Variants in B9D2 observed in about 807,000 individuals in gnomAD.
The protein encoded by B9D2 is B9 domain containing 2.
In B9D2, 21 loss-of-function variants were observed where a neutral mutation model predicts 19.2. The ratio of observed to expected loss-of-function variants is 1.09; its 90% CI spans 0.78 to 1.58. The LOEUF (loss-of-function observed/expected upper bound fraction) is 1.58, where lower values mean the gene tolerates loss of function less well. Among genes scored for constraint, B9D2 ranks in the 40% most tolerant of loss-of-function variants. The pLI, the probability that B9D2 is intolerant of heterozygous loss-of-function variation, is 0.00. For missense variants in B9D2, 221 were observed against 244.3 expected (o/e 0.90, Z 0.64); for synonymous variants, 91 against 100.6 (o/e 0.90, Z 0.57).
chr19:41,355,542 T>C (rs549613052), intron 3 of B9D2, among the ~76,000 whole-genome samples: 20 of 152,310 alleles, frequency 1.3e-4, no homozygotes, highest in African/African-American at 4.6e-4. Flanking sequence ...TCCATAGCTT[T>C]GCCCATGTCC....
At position 41,354,550 on chromosome 19, in the gene B9D2, G is replaced by A. The variant is rs1307521224; in HGVS notation, c.*150C>T. 15 of 1,030,194 alleles carry A rather than the reference G, an allele frequency of 1.5e-5. No homozygotes were observed. In the Admixed American group the frequency reaches 1.8e-4, roughly 13 times the overall value. The allele number at this position is 1,030,194 out of a possible 1,614,324, so 63.8% of individuals were successfully genotyped here. On this transcript the variant is annotated 3_prime_UTR_variant, in exon 4 of 4. Coordinates refer to ENST00000243578, the MANE Select transcript of B9D2 (RefSeq NM_030578.4). ...GGGAAACTGGGCCCAGAGGGACCCC[G>A]AGGTCCTAGAAAGGACAGAAGCGGT...
At chr19:41,362,101 GGGCCA>G (rs901515990) in intron 2 of B9D2, among the ~76,000 whole-genome samples, 1 of 130,296 alleles carries the variant, frequency 7.7e-6, no homozygotes, top group Non-Finnish European at 1.6e-5. Context: ...AAAAAAAAAA[GGGCCA>G]GGCGCAGTGG....
At chr19:41,356,851 C>CAAAAAAA (rs59084197) in intron 3 of B9D2, among the ~76,000 whole-genome samples, 3 of 147,786 alleles carry the variant, frequency 2.0e-5, no homozygotes, top group African/African-American at 7.5e-5. Context: ...ACTCTGTCTC[C>CAAAAAAA]AAAAAAAAAA....
At chr19:41,362,577 A>G (rs1228793833) in intron 2 of B9D2, among the ~76,000 whole-genome samples, 1 of 152,118 alleles carries the variant, frequency 6.6e-6, no homozygotes, top group Admixed American at 6.6e-5. Context: ...TCCTATTCTA[A>G]GTGCTGTTGA....
chr19:41,359,060 G>A (rs1599907048), intron 2 of B9D2, among the ~76,000 whole-genome samples: 2 of 151,960 alleles, frequency 1.3e-5, no homozygotes, highest in East Asian at 1.9e-4. Flanking sequence ...CACGAGAATC[G>A]CTGGAAAAGC....
At chr19:41,357,867 C>T in intron 3 of B9D2, 30 bp downstream of exon 3, 2 of 1,613,446 alleles carry the variant, frequency 1.2e-6, no homozygotes, top group Non-Finnish European at 1.7e-6. Context: ...CTCCCCTCAG[C>T]CTGGACCCGG....
intron 1 of B9D2, 47 bp from the exon 2 acceptor site, chr19:41,363,570 A>T: frequency 6.6e-7 from 1 of 1,504,840 alleles, no homozygotes; most frequent in Non-Finnish European, 9.0e-7. Context: ...TAAGTGTATT[A>T]TCTCCATTTG....
In B9D2 at chr19:41,354,655, G is replaced by A. The variant is rs2038275381; in HGVS notation, c.*45C>T. On this transcript the variant is annotated 3_prime_UTR_variant, in exon 4 of 4. Transcript: ENST00000243578. ...CACTGTGCCATCCTCCCCCATCACT[G>A]GGTGTCCGGGGTGTGGATGGTGGTG... is the stretch of plus-strand genomic sequence containing the variant. 1 of 1,606,262 alleles carries A rather than the reference G, an allele frequency of 6.2e-7. No homozygotes were observed. Among genetic ancestry groups the A allele is most frequent in the Non-Finnish European group, 8.5e-7 (1 of 1,173,444 alleles).
At chr19:41,363,097 T>A (rs1026951821) in intron 2 of B9D2, 2 of 307,064 alleles carry the variant, frequency 6.5e-6, no homozygotes, top group South Asian at 3.5e-5. Flanking sequence ...ATAAAAAAAA[T>A]TAGCCAGATT....
chr19:41,359,089 C>T (rs1156660416), intron 2 of B9D2, among the ~76,000 whole-genome samples: 1 of 152,004 alleles, frequency 6.6e-6, no homozygotes, highest in Non-Finnish European at 1.5e-5. Flanking sequence ...GCCGAGATTG[C>T]ACCACTGCAC....
At chr19:41,356,439 G>T (rs2038314323) in intron 3 of B9D2, among the ~76,000 whole-genome samples, 1 of 152,164 alleles carries the variant, frequency 6.6e-6, no homozygotes, top group African/African-American at 2.4e-5. Context: ...ACCACTGGGG[G>T]ACTGGAGGCC....
At chr19:41,360,183 G>C (rs532960465) in intron 2 of B9D2, among the ~76,000 whole-genome samples, 2 of 151,844 alleles carry the variant, frequency 1.3e-5, no homozygotes, top group East Asian at 3.9e-4. Flanking sequence ...CTTTTTTTGG[G>C]GGGGTGGGGG....
intron 2 of B9D2, among the ~76,000 whole-genome samples, chr19:41,359,628 A>C (rs1027045420): frequency 2.0e-5 from 3 of 152,124 alleles, no homozygotes; most frequent in Middle Eastern, 3.4e-3. Flanking sequence ...ACTTGAACCC[A>C]GGAGGCGGAG....
intron 2 of B9D2, among the ~76,000 whole-genome samples, chr19:41,360,758 C>T (rs1739878231): frequency 2.0e-5 from 3 of 152,118 alleles, no homozygotes; most frequent in African/African-American, 7.2e-5. Flanking sequence ...ATCTGCCCGC[C>T]TCGGACTCCC....
At chr19:41,358,909 T>A (rs899462418) in intron 2 of B9D2, among the ~76,000 whole-genome samples, 2 of 149,810 alleles carry the variant, frequency 1.3e-5, no homozygotes, top group African/African-American at 4.9e-5. Context: ...TTAGGAGGCT[T>A]AGGGGGGGGT....
chr19:41,362,501 A>G (rs2123144229), intron 2 of B9D2, among the ~76,000 whole-genome samples: 1 of 152,282 alleles, frequency 6.6e-6, no homozygotes, highest in South Asian at 2.1e-4. Flanking sequence ...TTTACAAACA[A>G]GACCCCATCA....
At position 41,354,583 on chromosome 19, in the gene B9D2, C is replaced by T; in HGVS notation, c.*117G>A. The T allele has an allele frequency of 7.2e-7, 1 of 1,382,838 alleles. No individual in the cohort carries two copies. Among genetic ancestry groups the T allele is most frequent in the Non-Finnish European group, 1.0e-6 (1 of 991,822 alleles). The allele number at this position is 1,382,838 out of a possible 1,614,324, so 85.7% of individuals were successfully genotyped here. A position where few individuals can be genotyped will look rare whatever the true frequency, so the allele number is the denominator to read the frequency against. Reference sequence around the variant, plus strand: ...AGAAAGGACAGAAGCGGTGCCATGCCTTAGCTGGGGTCAGCTCTGACAGTC... The same window carrying T: ...AGAAAGGACAGAAGCGGTGCCATGCTTTAGCTGGGGTCAGCTCTGACAGTC... On this transcript the variant is annotated 3_prime_UTR_variant, in exon 4 of 4. Coordinates refer to ENST00000243578, the MANE Select transcript of B9D2 (RefSeq NM_030578.4).
At chr19:41,363,924 C>A in intron 1 of B9D2, 34 bp downstream of exon 1, 1 of 388,224 alleles carries the variant, frequency 2.6e-6, no homozygotes, top group Non-Finnish European at 4.8e-6. Flanking sequence ...CGACTTAACC[C>A]CGCCTCTAAG....
intron 3 of B9D2, among the ~76,000 whole-genome samples, chr19:41,356,949 C>T (rs2038323620): frequency 6.6e-6 from 1 of 152,182 alleles, no homozygotes. Context: ...CACTCAAGGC[C>T]CTGCATGGCC....
Sources: gnomAD v4.1 joint callset for allele counts (sites outside exome capture counted in the v4.1 genomes callset) on GRCh38, gnomAD v4.1.1 for gene constraint, MANE v1.5 for transcripts, NCBI Gene and HGNC (gene_info 2026-07-23, HGNC 2026-07-21) for gene names.